Variants in YIPF7 observed in about 807,000 individuals in gnomAD.
YIPF7 encodes Yip1 domain family member 7.
Under a neutral mutation model 27.2 loss-of-function variants are expected in YIPF7, and 35 were observed. That is an observed-to-expected ratio of 1.29 (90% CI 0.98 to 1.70). The LOEUF (loss-of-function observed/expected upper bound fraction) is 1.70. Ranked by LOEUF, YIPF7 falls within the 40% of genes most tolerant of loss-of-function variation. YIPF7 has a pLI of 0.00. For missense variants in YIPF7, 358 were observed against 303.7 expected, an observed-to-expected ratio of 1.18 and a Z score of -1.33; for synonymous variants, 137 against 110.4, an observed-to-expected ratio of 1.24 and a Z score of -1.51.
intron 2 of YIPF7, among the ~76,000 whole-genome samples, chr4:44,638,865 T>TA (rs764268773): frequency 4.6e-5 from 7 of 152,212 alleles, no homozygotes; most frequent in Non-Finnish European, 1.0e-4. Context: ...TTTATTTTTG[T>TA]ATATGGTGGG....
intron 1 of YIPF7, among the ~76,000 whole-genome samples, chr4:44,661,390 G>A (rs1034787813): frequency 1.4e-4 from 21 of 152,176 alleles, no homozygotes; most frequent in African/African-American, 2.4e-5. Flanking sequence ...GGGGTCTAAC[G>A]TAGAAAAGGG....
At chr4:44,626,458 A>G (rs1377671484) in intron 4 of YIPF7, among the ~76,000 whole-genome samples, 1 of 152,156 alleles carries the variant, frequency 6.6e-6, no homozygotes, top group Middle Eastern at 3.2e-3. Flanking sequence ...AAGGACATCT[A>G]ACTGGACCTT....
chr4:44,628,100 C>G (rs191351145), intron 4 of YIPF7, among the ~76,000 whole-genome samples: 1 of 151,998 alleles, frequency 6.6e-6, no homozygotes, highest in South Asian at 2.1e-4. Flanking sequence ...ATTGACATGG[C>G]CTTACTTAGC....
intron 2 of YIPF7, among the ~76,000 whole-genome samples, chr4:44,642,207 C>A (rs1713348664): frequency 1.3e-5 from 2 of 152,130 alleles, no homozygotes; most frequent in Admixed American, 1.3e-4. Flanking sequence ...GTAACTTTGA[C>A]CATCCTCTTC....
At chr4:44,633,994 G>A (rs1713014636) in intron 3 of YIPF7, among the ~76,000 whole-genome samples, 1 of 152,008 alleles carries the variant, frequency 6.6e-6, no homozygotes, top group African/African-American at 2.4e-5. Context: ...CACCATTTTT[G>A]AGATCAGTTG....
chr4:44,633,311 T>C (rs2109583526), intron 3 of YIPF7, among the ~76,000 whole-genome samples: 1 of 152,318 alleles, frequency 6.6e-6, no homozygotes, highest in African/African-American at 2.4e-5. Context: ...ATATTTTCTA[T>C]TCAAATTGAA....
intron 2 of YIPF7, among the ~76,000 whole-genome samples, chr4:44,657,574 C>A (rs1427295284): frequency 6.6e-6 from 1 of 152,072 alleles, no homozygotes; most frequent in African/African-American, 2.4e-5. Context: ...CAACCTCCTG[C>A]CAGAGCCTGG....
At position 44,622,183 on chromosome 4, in the gene YIPF7, C is replaced by T. The variant is rs73191036; in HGVS notation, c.*231G>A. 0.012 allele frequency: 6,232 copies of T among 531,466 alleles called. 316 individuals carry two copies. The highest frequency in any genetic ancestry group is 0.11 in the African/African-American group (5,700 of 52,170). 32.9% of individuals were successfully genotyped at this position (531,466 alleles called of 1,614,324 possible). A position where few individuals can be genotyped will look rare whatever the true frequency, so the allele number is the denominator to read the frequency against. ...GTTGATCAGTACAGCAACTGTATCC[C>T]TTTTGATTTTAAGTATTTTGAAATG... On this transcript the variant is annotated 3_prime_UTR_variant, in exon 6 of 6. Coordinates refer to ENST00000415895, the MANE Select transcript of YIPF7 (RefSeq NM_182592.3).
At chr4:44,647,171 T>C (rs1024704342) in intron 2 of YIPF7, among the ~76,000 whole-genome samples, 1 of 152,142 alleles carries the variant, frequency 6.6e-6, no homozygotes, top group African/African-American at 2.4e-5. Context: ...GCCGTCAACC[T>C]GGTACTGTAA....
chr4:44,651,529 T>C, intron 1 of YIPF7, 25 bp downstream of exon 1: 2 of 1,517,062 alleles, frequency 1.3e-6, no homozygotes, highest in Non-Finnish European at 1.8e-6. Context: ...AAATGCCAAG[T>C]CTTTTAGAAG....
Position 44,624,645 on chromosome 4 carries a change from G to A in YIPF7, c.564C>T (p.Leu188=), listed in dbSNP as rs1712561551. The change falls in exon 5 of 6, where the codon CTC becomes CTT. Residue 188 remains leucine (L), a synonymous_variant. Coordinates refer to ENST00000415895, the MANE Select transcript of YIPF7 (RefSeq NM_182592.3). ...CVASVLGYCL[L]PMVILSGCAM... The stretch of plus-strand genomic sequence containing the variant: ...CGCAACCAGACAGGATGACCATGGG[G>A]AGCAGGCAGTAACCCAGCACGCTGG... 3.7e-6 allele frequency: 6 copies of A among 1,601,570 alleles called. No homozygotes were observed. The African/African-American group carries it at 5.4e-5, about 14-fold the overall frequency.
At chr4:44,645,904 G>A (rs966272195) in intron 2 of YIPF7, among the ~76,000 whole-genome samples, 1 of 151,900 alleles carries the variant, frequency 6.6e-6, no homozygotes, top group Admixed American at 6.6e-5. Flanking sequence ...CACATTCATA[G>A]GAAAATAGAA....
intron 2 of YIPF7, among the ~76,000 whole-genome samples, chr4:44,660,124 A>AAAAAAAAAAAAAAAAAAAAAAAAAAAAC (rs1188319616): frequency 6.9e-6 from 1 of 145,932 alleles, no homozygotes; most frequent in Non-Finnish European, 1.5e-5. Context: ...AAAAAAAAAA[A>AAAAAAAAAAAAAAAAAAAAAAAAAAAAC]AAAAAAAAAA....
intron 2 of YIPF7, among the ~76,000 whole-genome samples, chr4:44,657,083 T>C (rs1713921064): frequency 6.6e-6 from 1 of 152,188 alleles, no homozygotes; most frequent in Non-Finnish European, 1.5e-5. Context: ...TTTGTCAAAG[T>C]ATTCCAAGTT....
chr4:44,645,894 C>T lies in YIPF7; in HGVS notation c.116+4091G>A, dbSNP rs1171065350. On this transcript the variant is annotated intron_variant, in intron 2 of 5. Transcript: ENST00000415895. Reference sequence around the variant, plus strand: ...TTTATTTTTAAATATATATAATATACACATTCATAGGAAAATAGAATAAAG... The same window carrying T: ...TTTATTTTTAAATATATATAATATATACATTCATAGGAAAATAGAATAAAG... Among the ~76,000 whole-genome samples the T allele has an allele frequency of 8.6e-5, 13 of 151,916 alleles. No homozygotes were observed. The East Asian group carries it at 2.3e-3, about 27-fold the overall frequency.
rs530516686 is a variant in YIPF7, at chr4:44,658,818, T to C, written c.-2+1631A>G. On this transcript the variant is annotated intron_variant, in intron 2 of 2. Transcript: ENST00000508947. Reference sequence around the variant, plus strand: ...ACCCCTTATAAAACCATTGGATCTTTTGAGATTTATTCACTACCATGAGAA... The same window carrying C: ...ACCCCTTATAAAACCATTGGATCTTCTGAGATTTATTCACTACCATGAGAA... Among the ~76,000 whole-genome samples the C allele has an allele frequency of 1.9e-3, 289 of 152,202 alleles. 1 individual carries two copies. The highest frequency in any genetic ancestry group is 2.8e-3 in the Non-Finnish European group (191 of 68,012).
In YIPF7 at chr4:44,622,279, G is replaced by T; in HGVS notation, c.*135C>A. The T allele has an allele frequency of 8.8e-7, 1 of 1,130,740 alleles. No homozygotes were observed. Among genetic ancestry groups the T allele is most frequent in the Non-Finnish European group, 1.2e-6 (1 of 807,740 alleles). The allele number at this position is 1,130,740 out of a possible 1,614,324, so 70.0% of individuals were successfully genotyped here. A position where few individuals can be genotyped will look rare whatever the true frequency, so the allele number is the denominator to read the frequency against. Reference sequence around the variant, plus strand: ...GGCTATTAGAGCACCACCCTTAAGTGCTGCTTTGTCTCTCTGCTTATTACT... The same window carrying T: ...GGCTATTAGAGCACCACCCTTAAGTTCTGCTTTGTCTCTCTGCTTATTACT... On this transcript the variant is annotated 3_prime_UTR_variant, in exon 6 of 6. Coordinates refer to ENST00000415895, the MANE Select transcript of YIPF7 (RefSeq NM_182592.3).
intron 3 of YIPF7, among the ~76,000 whole-genome samples, chr4:44,631,108 C>T (rs1326505914): frequency 6.6e-6 from 1 of 152,116 alleles, no homozygotes; most frequent in Admixed American, 6.6e-5. Context: ...ATATATAAGG[C>T]TTTGACAGAT....
upstream of YIPF7, among the ~76,000 whole-genome samples, chr4:44,652,173 G>A (rs1000277203): frequency 1.2e-4 from 19 of 152,162 alleles, no homozygotes; most frequent in African/African-American, 4.6e-4. Flanking sequence ...CTGATGGACA[G>A]GTTCTATACC....
Sources: gnomAD v4.1 joint callset for allele counts (sites outside exome capture counted in the v4.1 genomes callset) on GRCh38, gnomAD v4.1.1 for gene constraint, MANE v1.5 for transcripts, NCBI Gene and HGNC (gene_info 2026-07-23, HGNC 2026-07-21) for gene names.